The following SEC11A variants were observed in gnomAD, a reference collection of about 807,000 sequenced individuals.
The protein encoded by SEC11A is SEC11 homolog A, signal peptidase complex subunit.
Under a neutral mutation model 25.6 loss-of-function variants are expected in SEC11A, and 14 were observed. That is an observed-to-expected ratio of 0.55 (90% confidence interval 0.36 to 0.85). The LOEUF is 0.85. SEC11A is among the 40% of genes least tolerant of loss of function. The pLI is 0.01. For missense variants in SEC11A, 153 were observed against 222.9 expected, an observed-to-expected ratio of 0.69 and a Z score of 2.00; for synonymous variants, 83 against 76.4, an observed-to-expected ratio of 1.09 and a Z score of -0.45.
intron 2 of SEC11A, 92 bp downstream of exon 2, chr15:84,691,443 T>C (rs1183434973): frequency 1.4e-6 from 1 of 703,598 alleles, no homozygotes; most frequent in Non-Finnish European, 2.5e-6. Context: ...AAGAGTAGTT[T>C]CTAAGAGAAT....
intron 4 of SEC11A, among the ~76,000 whole-genome samples, chr15:84,678,853 G>T (rs1897209717): frequency 6.6e-6 from 1 of 151,906 alleles, no homozygotes; most frequent in Non-Finnish European, 1.5e-5. Context: ...AATTAGCTGG[G>T]TGTGGTGACA....
At chr15:84,701,015 C>T (rs1169636534) in intron 1 of SEC11A, among the ~76,000 whole-genome samples, 1 of 147,114 alleles carries the variant, frequency 6.8e-6, no homozygotes, top group East Asian at 2.0e-4. Context: ...AATCCAAGAC[C>T]TAAATCAAAC....
In SEC11A at chr15:84,677,093, GA is replaced by G. The variant is rs761700015; in HGVS notation, c.431+3619del. Among the ~76,000 whole-genome samples, 237 of 146,286 alleles carry G rather than the reference GA, an allele frequency of 1.6e-3. 1 individual carries two copies. The highest frequency in any genetic ancestry group is 2.8e-3 in the Non-Finnish European group (185 of 66,194). On this transcript the variant is annotated intron_variant, in intron 4 of 5. Coordinates refer to ENST00000268220, the MANE Select transcript of SEC11A (RefSeq NM_014300.4). ...GTGATAGAGTGAGACTCTGTCTCAA[GA>G]AAAAAAAAAGCATGAAGACGTATGT... is the stretch of plus-strand genomic sequence containing the variant.
chr15:84,687,480 T>C, intron 3 of SEC11A, 145 bp downstream of exon 3: 1 of 560,594 alleles, frequency 1.8e-6, no homozygotes, highest in Non-Finnish European at 3.0e-6. Context: ...AAATGTTCAC[T>C]AAACTTTCCA....
chr15:84,687,152 G>A (rs1217223637), intron 3 of SEC11A, among the ~76,000 whole-genome samples: 5 of 152,204 alleles, frequency 3.3e-5, no homozygotes, highest in East Asian at 1.9e-4. Flanking sequence ...GATTACAGGC[G>A]TGAGCTACCA....
chr15:84,683,968 A>G (rs955866009), intron 3 of SEC11A, among the ~76,000 whole-genome samples: 5 of 152,184 alleles, frequency 3.3e-5, no homozygotes, highest in African/African-American at 1.2e-4. Flanking sequence ...GAGATCAAAG[A>G]GTTTAGAATT....
chr15:84,702,620 C>T (rs1032511688), intron 1 of SEC11A, among the ~76,000 whole-genome samples: 2 of 152,054 alleles, frequency 1.3e-5, no homozygotes, highest in Non-Finnish European at 2.9e-5. Flanking sequence ...TATATTTATA[C>T]CAATATATTA....
At chr15:84,679,349 C>T in intron 4 of SEC11A, 1 of 607,984 alleles carries the variant, frequency 1.6e-6, no homozygotes, top group Non-Finnish European at 2.7e-6. Context: ...AAAGCGGGGA[C>T]ATATTAAAAC....
intron 4 of SEC11A, chr15:84,673,379 ATGGGAGACTTTTCATTT>A (rs1349923671): frequency 5.3e-6 from 1 of 188,200 alleles, no homozygotes; most frequent in Non-Finnish European, 1.1e-5. Context: ...AGAAGTAGAC[ATGGGAGACTTTTCATTT>A]TGTTCTGTAC....
chr15:84,695,045 G>A (rs12917049), intron 1 of SEC11A, among the ~76,000 whole-genome samples: 35,879 of 129,760 alleles, frequency 0.28, 4,942 homozygotes, highest in East Asian at 0.46. Context: ...AGCTGAGATC[G>A]CACCATTGCA....
At chr15:84,707,682 CCA>C (rs1898137574) in intron 1 of SEC11A, among the ~76,000 whole-genome samples, 1 of 152,116 alleles carries the variant, frequency 6.6e-6, no homozygotes, top group Non-Finnish European at 1.5e-5. Flanking sequence ...AGAGTTAAAA[CCA>C]CAGTTTCTCC....
At chr15:84,679,124 T>C in intron 4 of SEC11A, 1 of 365,902 alleles carries the variant, frequency 2.7e-6, no homozygotes. Flanking sequence ...GTGACTTTGC[T>C]TTTTGATTAT....
chr15:84,695,089 A>G (rs1413746521), intron 1 of SEC11A, among the ~76,000 whole-genome samples: 2 of 6,628 alleles, frequency 3.0e-4, no homozygotes, highest in African/African-American at 8.2e-4. Flanking sequence ...GACTCCATCT[A>G]AAAAAAAAAA....
At chr15:84,680,284 G>A (rs1231375707) in intron 4 of SEC11A, among the ~76,000 whole-genome samples, 1 of 149,358 alleles carries the variant, frequency 6.7e-6, no homozygotes, top group African/African-American at 2.5e-5. Flanking sequence ...CTGGGTGACA[G>A]AGCAAGACTC....
Position 84,701,971 on chromosome 15 carries a change from G to A in SEC11A, c.52-10327C>T, listed in dbSNP as rs1455995385. Among the ~76,000 whole-genome samples, 3 of 151,238 alleles carry A rather than the reference G, an allele frequency of 2.0e-5. 1 individual carries two copies. Among genetic ancestry groups the A allele is most frequent in the Non-Finnish European group, 4.4e-5 (3 of 67,814 alleles). On this transcript the variant is annotated intron_variant, in intron 1 of 5. Coordinates refer to ENST00000268220, the MANE Select transcript of SEC11A (RefSeq NM_014300.4). The stretch of plus-strand genomic sequence containing the variant: ...AGTCCCAGCTACTTGGGAGGCTGAG[G>A]CAGGAGAATTGCTTGAACCCGGGAG...
At chr15:84,685,268 C>CT (rs574903493) in intron 3 of SEC11A, among the ~76,000 whole-genome samples, 175 of 151,526 alleles carry the variant, frequency 1.2e-3, no homozygotes, top group African/African-American at 4.1e-3. Context: ...TTTCTTTTTT[C>CT]TTTTTTTGAG....
At chr15:84,706,654 G>C (rs896026633) in intron 1 of SEC11A, among the ~76,000 whole-genome samples, 1 of 152,184 alleles carries the variant, frequency 6.6e-6, no homozygotes, top group Non-Finnish European at 1.5e-5. Context: ...TAACAGAAAC[G>C]TAACTTTTGT....
chr15:84,686,113 C>G (rs1269745938), intron 3 of SEC11A, among the ~76,000 whole-genome samples: 1 of 151,962 alleles, frequency 6.6e-6, no homozygotes, highest in Non-Finnish European at 1.5e-5. Context: ...CAAACAATTT[C>G]TAAAAATTTA....
intron 1 of SEC11A, among the ~76,000 whole-genome samples, chr15:84,693,962 G>A (rs1897683615): frequency 6.6e-6 from 1 of 152,098 alleles, no homozygotes; most frequent in South Asian, 2.1e-4. Context: ...AACAAATATG[G>A]CCAAAATGCT....
Sources: allele counts gnomAD v4.1 joint callset (sites outside exome capture counted in the v4.1 genomes callset), GRCh38; gene constraint gnomAD v4.1.1; transcripts MANE v1.5; gene names NCBI Gene and HGNC (gene_info 2026-07-23, HGNC 2026-07-21).